The following DIPK1A variants were observed in gnomAD, a reference collection of about 807,000 sequenced individuals.
DIPK1A encodes the protein divergent protein kinase domain 1A.
In DIPK1A, 27 loss-of-function variants were observed where a neutral mutation model predicts 40.8. That is an observed-to-expected ratio of 0.66 (90% confidence interval 0.49 to 0.91). The LOEUF is 0.91. DIPK1A is among the 40% of genes least tolerant of loss of function. The probability of loss-of-function intolerance (pLI) is 0.00; values close to 1 mark genes in which losing one functional copy is unlikely to be tolerated. For synonymous variants in DIPK1A, 166 were observed against 171.3 expected (o/e 0.97, Z 0.24); for missense variants, 412 against 505.7 (o/e 0.81, Z 1.78).
At chr1:92,834,327 A>G (rs978713116) in intron 4 of DIPK1A, among the ~76,000 whole-genome samples, 1 of 152,232 alleles carries the variant, frequency 6.6e-6, no homozygotes, top group African/African-American at 2.4e-5. Context: ...AAAGACCTTT[A>G]GGAAGTGTCA....
intron 4 of DIPK1A, chr1:92,845,466 C>A (rs537247810): frequency 8.9e-6 from 3 of 337,516 alleles, no homozygotes; most frequent in African/African-American, 8.6e-5. Context: ...CTCAGGAGTT[C>A]TAGACCCGCC....
chr1:92,843,568 G>C lies in DIPK1A; in HGVS notation c.1102C>G (p.Gln368Glu), dbSNP rs1193266903. 6.4e-7 allele frequency: 1 copy of C among 1,551,914 alleles called. No individual in the cohort carries two copies. Among genetic ancestry groups the C allele is most frequent in the Non-Finnish European group, 8.7e-7 (1 of 1,147,080 alleles). Residue 368 changes from glutamine (Q) to glutamate (E), a missense_variant, in exon 5 of 5, where the codon CAG (glutamine) becomes GAG (glutamate). By Grantham distance (29) the Gln-to-Glu change is conservative (BLOSUM62 2). Coordinates refer to ENST00000370310, the MANE Select transcript of DIPK1A (RefSeq NM_001006605.5). ...VIQPNLAKAC[Q>E]LLKDYLLRGA... ...CGCAGTAGGTAGTCTTTGAGTAACT[G>C]ACAAGCTTTTGCCAAGTTTGGTTGT... is the stretch of plus-strand genomic sequence containing the variant.
chr1:92,891,328 T>G (rs1266890078), intron 1 of DIPK1A, among the ~76,000 whole-genome samples: 1 of 152,108 alleles, frequency 6.6e-6, no homozygotes, highest in African/African-American at 2.4e-5. Context: ...TATTTATTTA[T>G]TTCTAATTTT....
chr1:92,837,809 C>T, downstream of DIPK1A: 1 of 623,988 alleles, frequency 1.6e-6, no homozygotes, highest in Non-Finnish European at 2.8e-6. Flanking sequence ...CTTCAAGCAT[C>T]TGAAGATTTG....
chr1:92,937,871 G>A (rs952060280), intron 1 of DIPK1A, among the ~76,000 whole-genome samples: 4 of 152,036 alleles, frequency 2.6e-5, no homozygotes, highest in Admixed American at 6.6e-5. Flanking sequence ...CCAGCACCCC[G>A]ATCTTGGATA....
intron 1 of DIPK1A, among the ~76,000 whole-genome samples, chr1:92,923,279 T>C (rs1650342134): frequency 1.3e-5 from 2 of 152,016 alleles, no homozygotes; most frequent in Admixed American, 6.6e-5. Context: ...GCTGGGACTA[T>C]AGGCGCCCAC....
intron 1 of DIPK1A, among the ~76,000 whole-genome samples, chr1:92,886,979 G>A (rs192168641): frequency 2.0e-5 from 3 of 152,056 alleles, no homozygotes; most frequent in East Asian, 1.9e-4. Flanking sequence ...GCTCTTTACC[G>A]AAATAGTTTG....
At chr1:92,849,338 G>GT (rs147555240) in intron 3 of DIPK1A, among the ~76,000 whole-genome samples, 10,450 of 148,754 alleles carry the variant, frequency 0.07, 564 homozygotes, top group Non-Finnish European at 0.1. Flanking sequence ...ATCTTGTCTG[G>GT]TTTTTTTTTG....
chr1:92,952,772 T>TA (rs1207071484), intron 1 of DIPK1A, among the ~76,000 whole-genome samples: 6 of 151,862 alleles, frequency 4.0e-5, no homozygotes, highest in Non-Finnish European at 7.4e-5. Context: ...GGCTTTTTTT[T>TA]AAAAAAAAAT....
chr1:92,917,241 T>C (rs1650089031), intron 1 of DIPK1A, among the ~76,000 whole-genome samples: 1 of 152,222 alleles, frequency 6.6e-6, no homozygotes, highest in Non-Finnish European at 1.5e-5. Context: ...ATATAGATTT[T>C]TTAGATTTTC....
At chr1:92,879,899 G>A (rs1301117682) in intron 1 of DIPK1A, among the ~76,000 whole-genome samples, 2 of 152,170 alleles carry the variant, frequency 1.3e-5, no homozygotes, top group African/African-American at 4.8e-5. Flanking sequence ...GCAGTTTTTT[G>A]TTCGGCAGAT....
chr1:92,880,318 A>C (rs1411886297), intron 1 of DIPK1A, among the ~76,000 whole-genome samples: 1 of 152,224 alleles, frequency 6.6e-6, no homozygotes, highest in Non-Finnish European at 1.5e-5. Flanking sequence ...TAAAAATATA[A>C]TAACATCTGT....
intron 1 of DIPK1A, among the ~76,000 whole-genome samples, chr1:92,941,989 C>CAA (rs796153358): frequency 2.0e-3 from 176 of 88,214 alleles, no homozygotes; most frequent in African/African-American, 6.9e-3. Flanking sequence ...GACTCTGTCT[C>CAA]AAAAAAAAAA....
rs1179897276 is a variant in DIPK1A, at chr1:92,953,381, C to G, written c.54+7995G>C. Among the ~76,000 whole-genome samples, 7 of 152,034 alleles carry G rather than the reference C, an allele frequency of 4.6e-5. 1 individual carries two copies. The highest frequency in any genetic ancestry group is 1.0e-4 in the Non-Finnish European group (7 of 68,002). ...CTAAAAAAATTAAAAATAGAATTAC[C>G]ATGTGATCCAACAATCCCACTTCTG... On this transcript the variant is annotated intron_variant, in intron 1 of 4. Transcript: ENST00000370310.
intron 1 of DIPK1A, among the ~76,000 whole-genome samples, chr1:92,888,240 A>G (rs1224826200): frequency 1.3e-5 from 2 of 151,904 alleles, no homozygotes; most frequent in Non-Finnish European, 2.9e-5. Flanking sequence ...CTCTACTTCT[A>G]TAAGCTCAAC....
chr1:92,908,857 AAG>A (rs1649724299), intron 1 of DIPK1A, among the ~76,000 whole-genome samples: 1 of 152,172 alleles, frequency 6.6e-6, no homozygotes, highest in Non-Finnish European at 1.5e-5. Flanking sequence ...GAGCAGAAGG[AAG>A]AGTGTAAGGA....
At chr1:92,879,284 ATT>A (rs1648270965) in intron 1 of DIPK1A, among the ~76,000 whole-genome samples, 1 of 152,216 alleles carries the variant, frequency 6.6e-6, no homozygotes, top group Non-Finnish European at 1.5e-5. Context: ...ACAATTGAAA[ATT>A]TTAAGAATGA....
chr1:92,884,673 T>G (rs1449042647), intron 1 of DIPK1A, among the ~76,000 whole-genome samples: 1 of 152,188 alleles, frequency 6.6e-6, no homozygotes, highest in Non-Finnish European at 1.5e-5. Context: ...CACAAATCTT[T>G]GATGGGAATC....
At chr1:92,882,081 C>G (rs1229920945) in intron 1 of DIPK1A, among the ~76,000 whole-genome samples, 3 of 152,122 alleles carry the variant, frequency 2.0e-5, no homozygotes, top group Non-Finnish European at 4.4e-5. Context: ...ATAACTACCA[C>G]TTGGGTAAAA....
Sources: gnomAD v4.1 joint callset for allele counts (sites outside exome capture counted in the v4.1 genomes callset) on GRCh38, gnomAD v4.1.1 for gene constraint, MANE v1.5 for transcripts, NCBI Gene and HGNC (gene_info 2026-07-23, HGNC 2026-07-21) for gene names.